ERG: variants seen among roughly 807,000 people sequenced by gnomAD.
ERG encodes transcriptional regulator ERG.
A neutral mutation model predicts 55.3 loss-of-function variants in ERG; 9 were observed. The ratio of observed to expected loss-of-function variants is 0.16; its 90% confidence interval spans 0.10 to 0.28. ERG has a LOEUF of 0.28. Ranked by LOEUF, ERG falls within the 10% of genes least tolerant of loss-of-function variation. The pLI is 1.00. For synonymous variants in ERG, 223 were observed against 237.3 expected (o/e 0.94, Z 0.55); for missense variants, 434 against 631.6 (o/e 0.69, Z 3.35).
At chr21:38,582,427 G>A (rs1458240703) in intron 1 of ERG, among the ~76,000 whole-genome samples, 1 of 152,182 alleles carries the variant, frequency 6.6e-6, no homozygotes, top group Admixed American at 6.5e-5. Context: ...TGGTACTGGC[G>A]AAGACATGAT....
intron 1 of ERG, among the ~76,000 whole-genome samples, chr21:38,454,310 G>A (rs2058968218): frequency 6.6e-6 from 1 of 152,190 alleles, no homozygotes; most frequent in South Asian, 2.1e-4. Flanking sequence ...GATGGAAGAT[G>A]TGAGTTTCAA....
chr21:38,383,094 T>C lies in ERG; in HGVS notation c.*309A>G, dbSNP rs1016017437. 8.8e-7 allele frequency: 1 copy of C among 1,131,722 alleles called. No individual in the cohort carries two copies. The highest frequency in any genetic ancestry group is 1.1e-6 in the Non-Finnish European group (1 of 923,986). 70.1% of individuals were successfully genotyped at this position (1,131,722 alleles called of 1,614,324 possible). Reference sequence around the variant, plus strand: ...AAACTCTACTCTAAAGTTTATACATTTCTTAAGACCACTTTCTTTGGCACT... The same window carrying C: ...AAACTCTACTCTAAAGTTTATACATCTCTTAAGACCACTTTCTTTGGCACT... On this transcript the variant is annotated 3_prime_UTR_variant, in exon 10 of 10. Coordinates refer to ENST00000288319, the MANE Select transcript of ERG (RefSeq NM_182918.4). This position sits in a 1 kb window ranked among gnomAD's most constrained non-coding sequence, Gnocchi z 5.7.
At chr21:38,582,159 A>C (rs1054094317) in intron 1 of ERG, among the ~76,000 whole-genome samples, 7 of 152,074 alleles carry the variant, frequency 4.6e-5, no homozygotes, top group Non-Finnish European at 1.0e-4. Flanking sequence ...AATAAACTGT[A>C]ATCATAAGAG....
intron 1 of ERG, among the ~76,000 whole-genome samples, chr21:38,604,290 T>C (rs1220309070): frequency 1.3e-5 from 2 of 151,148 alleles, no homozygotes; most frequent in East Asian, 1.9e-4. Context: ...TATGTCTTAA[T>C]AGCAAATCTC....
intron 2 of ERG, among the ~76,000 whole-genome samples, chr21:38,547,588 T>A (rs760968766): frequency 6.6e-6 from 1 of 152,248 alleles, no homozygotes; most frequent in Non-Finnish European, 1.5e-5. Flanking sequence ...CAAGGGCTTT[T>A]ATTAGTGCTA....
rs1837637813 is a variant in ERG at position 38,460,082 on chromosome 21, G to A, written c.19-14461C>T. On this transcript the variant is annotated intron_variant, in intron 1 of 9. Coordinates refer to ENST00000288319, the MANE Select transcript of ERG (RefSeq NM_182918.4). This position sits in a 1 kb window ranked among gnomAD's most constrained non-coding sequence, Gnocchi z 5.0. The stretch of plus-strand genomic sequence containing the variant: ...GGTCCTGAGAAAACGCGAAGGAGGG[G>A]AGGGTGTGAGCCCCCATGCATTCAT... 6.6e-6 allele frequency among the ~76,000 whole-genome samples: 1 copy of A among 152,230 alleles called. No individual in the cohort carries two copies. The highest frequency in any genetic ancestry group is 6.5e-5 in the Admixed American group (1 of 15,286).
intron 6 of ERG, among the ~76,000 whole-genome samples, chr21:38,394,196 A>T (rs929444198): frequency 2.6e-5 from 4 of 152,188 alleles, no homozygotes; most frequent in Non-Finnish European, 4.4e-5. Flanking sequence ...ACCAAATGAA[A>T]AAAAGCAAGA....
At chr21:38,497,281 T>C (rs1468011084) in intron 1 of ERG, among the ~76,000 whole-genome samples, 1 of 152,256 alleles carries the variant, frequency 6.6e-6, no homozygotes, top group Non-Finnish European at 1.5e-5. Context: ...GGCCCAATTC[T>C]GGGCAAACTT....
intron 1 of ERG, among the ~76,000 whole-genome samples, chr21:38,473,159 C>CAAAAAAAAAA (rs33994175): frequency 5.2e-4 from 55 of 106,012 alleles, no homozygotes; most frequent in African/African-American, 2.0e-3. Flanking sequence ...AGGATGCGCT[C>CAAAAAAAAAA]AAAAAAAAAA....
At chr21:38,637,093 G>T (rs2060394039) in intron 1 of ERG, among the ~76,000 whole-genome samples, 2 of 152,172 alleles carry the variant, frequency 1.3e-5, no homozygotes, top group South Asian at 4.1e-4. Context: ...TCTAGATGAA[G>T]ATCTGGACAG....
chr21:38,636,127 A>G (rs921023325), intron 1 of ERG, among the ~76,000 whole-genome samples: 11 of 152,120 alleles, frequency 7.2e-5, no homozygotes, highest in East Asian at 1.9e-4. Flanking sequence ...TTTTCCCCCT[A>G]TTGATCAGCA....
At chr21:38,461,232 T>C (rs1417461301) in intron 1 of ERG, among the ~76,000 whole-genome samples, 6 of 152,118 alleles carry the variant, frequency 3.9e-5, no homozygotes, top group African/African-American at 1.4e-4. Context: ...TTGTGGATGG[T>C]CATCTTCTCC....
intron 2 of ERG, among the ~76,000 whole-genome samples, chr21:38,560,313 C>T (rs2059885233): frequency 6.6e-6 from 1 of 152,130 alleles, no homozygotes; most frequent in African/African-American, 2.4e-5. Flanking sequence ...CTAGGATCTC[C>T]CTTCAAGAAA....
At chr21:38,643,707 A>G (rs1202777670) in intron 1 of ERG, among the ~76,000 whole-genome samples, 1 of 152,112 alleles carries the variant, frequency 6.6e-6, no homozygotes, top group Non-Finnish European at 1.5e-5. Context: ...GTCTGTTGCC[A>G]TTTTCAGGGT....
At position 38,383,614 on chromosome 21, in the gene ERG, T is replaced by C. The variant is rs1987551635; in HGVS notation, c.1229A>G (p.Lys410Arg). ...QPHPPESSLY[K>R]YPSDLPYMGS... ...CATGTACGGGAGGTCTGAGGGGTAC[T>C]TGTACAGAGATGACTCCGGGGGGTG... Residue 410 changes from lysine to arginine, a missense_variant, in exon 10 of 10, where the codon AAG becomes AGG. Coordinates refer to ENST00000288319, the MANE Select transcript of ERG (RefSeq NM_182918.4). The surrounding 1 kb of genome is among the most constrained non-coding windows in gnomAD (Gnocchi z 5.7). 3 of 1,613,868 alleles carry C rather than the reference T, an allele frequency of 1.9e-6. No individual in the cohort carries two copies. The highest frequency in any genetic ancestry group is 2.5e-6 in the Non-Finnish European group (3 of 1,179,930).
intron 2 of ERG, among the ~76,000 whole-genome samples, chr21:38,568,326 T>A (rs2059936136): frequency 6.6e-6 from 1 of 152,210 alleles, no homozygotes; most frequent in South Asian, 2.1e-4. Flanking sequence ...TGATAATAAG[T>A]CTCACTGAGT....
intron 2 of ERG, among the ~76,000 whole-genome samples, chr21:38,534,308 T>G (rs778058496): frequency 3.3e-5 from 5 of 152,062 alleles, no homozygotes; most frequent in Non-Finnish European, 4.4e-5. Context: ...CTTTTTAAGG[T>G]TTGGGAGAGA....
In ERG at chr21:38,651,959, C is replaced by T. The variant is rs549044218; in HGVS notation, c.-150+9699G>A. On this transcript the variant is annotated intron_variant, in intron 1 of 10. Coordinates refer to the ERG transcript ENST00000398910. ...CTCCTGCAAAGAGCCACAGTGAAGACAGTCCTGGCAAAGTGTCTCCTGTGG... is the reference window on the plus strand; with the variant it reads ...CTCCTGCAAAGAGCCACAGTGAAGATAGTCCTGGCAAAGTGTCTCCTGTGG... 4.3e-4 allele frequency among the ~76,000 whole-genome samples: 65 copies of T among 152,332 alleles called. 1 individual carries two copies. Among genetic ancestry groups the T allele is most frequent in the African/African-American group, 1.5e-3 (64 of 41,562 alleles).
intron 1 of ERG, among the ~76,000 whole-genome samples, chr21:38,483,491 A>G (rs1166988185): frequency 6.6e-6 from 1 of 152,238 alleles, no homozygotes; most frequent in African/African-American, 2.4e-5. Flanking sequence ...ATTTGTTAAT[A>G]TAAGTGGTAT....
Sources: gnomAD v4.1 joint callset for allele counts (sites outside exome capture counted in the v4.1 genomes callset) on GRCh38, gnomAD v4.1.1 for gene constraint, Gnocchi (gnomAD v3.1) non-coding constraint, MANE v1.5 for transcripts, NCBI Gene and HGNC (gene_info 2026-07-23, HGNC 2026-07-21) for gene names.